Variants in TAOK1 observed in about 807,000 individuals in gnomAD.
TAOK1 encodes serine/threonine-protein kinase TAO1.
In TAOK1, 21 loss-of-function variants were observed where a neutral mutation model predicts 138.3. The observed-to-expected ratio is 0.15, with a 90% CI of 0.11 to 0.22. The LOEUF is 0.22. TAOK1 is among the 10% of genes least tolerant of loss of function. The pLI is 1.00. For missense variants in TAOK1, 651 were observed against 1,227.7 expected, an observed-to-expected ratio of 0.53 and a Z score of 7.02; for synonymous variants, 361 against 398.4, an observed-to-expected ratio of 0.91 and a Z score of 1.12.
chr17:29,397,723 GTATATACA>G lies in TAOK1; in HGVS notation c.-95+6708_-95+6715del, dbSNP rs1157821566. ...TATGCATACATGAATATACATGTAT[GTATATACA>G]TATATACACGTATATATACACGTAT... On this transcript the variant is annotated intron_variant, in intron 1 of 19. Transcript: ENST00000261716. 3.9e-5 allele frequency among the ~76,000 whole-genome samples: 3 copies of G among 77,636 alleles called. No individual in the cohort carries two copies. In the Admixed American group the frequency reaches 3.9e-4, roughly 10 times the overall value. The allele number at this position is 77,636 out of a possible 152,430, so 50.9% of individuals were successfully genotyped here. A position where few individuals can be genotyped will look rare whatever the true frequency, so the allele number is the denominator to read the frequency against.
intron 14 of TAOK1, among the ~76,000 whole-genome samples, chr17:29,509,916 C>T (rs1170200844): frequency 1.3e-5 from 2 of 151,374 alleles, no homozygotes; most frequent in Non-Finnish European, 2.9e-5. Flanking sequence ...CAGGCACTCG[C>T]CCTGTTACCC....
At chr17:29,420,432 A>G (rs1181288286) in intron 1 of TAOK1, among the ~76,000 whole-genome samples, 3 of 151,972 alleles carry the variant, frequency 2.0e-5, no homozygotes, top group Non-Finnish European at 2.9e-5. Context: ...TGTGTACACA[A>G]TTACGTTTAT....
intron 3 of TAOK1, among the ~76,000 whole-genome samples, chr17:29,474,496 T>TTATTGATGG (rs2030898511): frequency 6.6e-6 from 1 of 152,050 alleles, no homozygotes; most frequent in African/African-American, 2.4e-5. Flanking sequence ...CACTGTGGGG[T>TTATTGATGG]TATTGATGGC....
intron 3 of TAOK1, among the ~76,000 whole-genome samples, chr17:29,470,671 AC>A (rs1226907378): frequency 6.6e-6 from 1 of 152,204 alleles, no homozygotes. Flanking sequence ...AATTTGTCTT[AC>A]CTACCTTGAG....
chr17:29,418,852 T>C (rs1905338015), intron 1 of TAOK1, among the ~76,000 whole-genome samples: 1 of 152,012 alleles, frequency 6.6e-6, no homozygotes, highest in African/African-American at 2.4e-5. Flanking sequence ...GGGCTGACTA[T>C]AGTAAGTTTT....
Position 29,550,136 on chromosome 17 carries a change from T to G in TAOK1, c.*7114T>G, listed in dbSNP as rs1418738249. ...AAAAGAGAAGGATGTGTGGGGTTTC[T>G]ATTAGAAGATAATTTTGTTCTCATT... On this transcript the variant is annotated 3_prime_UTR_variant, in exon 20 of 20. Transcript: ENST00000261716. 1 of 152,220 alleles carries G rather than the reference T, an allele frequency of 6.6e-6. No individual in the cohort carries two copies. The highest frequency in any genetic ancestry group is 1.9e-4 in the East Asian group (1 of 5,204). The allele number at this position is 152,220 out of a possible 1,614,324, so 9.4% of individuals were successfully genotyped here.
Position 29,530,401 on chromosome 17 carries a change from TCCCA to T in TAOK1, c.2149-5_2149-2del. 6.2e-7 allele frequency: 1 copy of T among 1,612,656 alleles called. No homozygotes were observed. Among genetic ancestry groups the T allele is most frequent in the Admixed American group, 1.7e-5 (1 of 59,864 alleles). ...CTTACATAAATGTATTTTTTTTTCT[TCCCA>T]GTCTAAAGAACTCCAAATAAAAAAG... is the stretch of plus-strand genomic sequence containing the variant. On this transcript the variant is annotated splice_acceptor_variant and splice_polypyrimidine_tract_variant and intron_variant, in intron 17 of 19. Transcript: ENST00000261716. LOFTEE classifies it high-confidence loss of function.
At chr17:29,423,224 C>CT (rs200888309) in intron 1 of TAOK1, among the ~76,000 whole-genome samples, 51,832 of 112,642 alleles carry the variant, frequency 0.46, 11,891 homozygotes, top group East Asian at 0.89. Context: ...TTCTTCTTTT[C>CT]TTTTTTTTTT....
chr17:29,504,276 CA>C lies in TAOK1; in HGVS notation c.1338+1575del, dbSNP rs71138826. Reference sequence around the variant, plus strand: ...TGGGTGACAGTGCCAGACCCTGTCTCAAAAAAAAAAAAAAAAAAAAAAGGAA... The same window carrying C: ...TGGGTGACAGTGCCAGACCCTGTCTCAAAAAAAAAAAAAAAAAAAAAGGAA... On this transcript the variant is annotated intron_variant, in intron 13 of 19. Transcript: ENST00000261716. Among the ~76,000 whole-genome samples the C allele has an allele frequency of 5.8e-3, 236 of 40,844 alleles. No homozygotes were observed. In the East Asian group the frequency reaches 0.1, roughly 17 times the overall value. 26.8% of individuals were successfully genotyped at this position (40,844 alleles called of 152,430 possible). A position where few individuals can be genotyped will look rare whatever the true frequency, so the allele number is the denominator to read the frequency against.
At chr17:29,427,044 T>C (rs1199574788) in intron 1 of TAOK1, among the ~76,000 whole-genome samples, 1 of 152,188 alleles carries the variant, frequency 6.6e-6, no homozygotes, top group Non-Finnish European at 1.5e-5. Context: ...AGAATTGATA[T>C]ACTAGGGAAC....
At chr17:29,406,639 C>T (rs532351481) in intron 1 of TAOK1, among the ~76,000 whole-genome samples, 1 of 152,186 alleles carries the variant, frequency 6.6e-6, no homozygotes, top group South Asian at 2.1e-4. Flanking sequence ...CCAAGCAGTC[C>T]TCCCACCTCA....
intron 8 of TAOK1, among the ~76,000 whole-genome samples, chr17:29,486,781 A>G (rs1357145787): frequency 6.6e-6 from 1 of 152,242 alleles, no homozygotes; most frequent in Non-Finnish European, 1.5e-5. Flanking sequence ...TTAAAAAGAT[A>G]TGTTCTAGTT....
At chr17:29,503,594 G>T (rs935129637) in intron 13 of TAOK1, among the ~76,000 whole-genome samples, 2 of 152,050 alleles carry the variant, frequency 1.3e-5, no homozygotes. Context: ...TAATCAGACA[G>T]ATAAGTAAAA....
chr17:29,462,206 C>T (rs1054807739), intron 2 of TAOK1, among the ~76,000 whole-genome samples: 4 of 152,170 alleles, frequency 2.6e-5, no homozygotes, highest in African/African-American at 9.6e-5. Context: ...TTAAAAAATA[C>T]TCAAATTGAG....
intron 1 of TAOK1, among the ~76,000 whole-genome samples, chr17:29,398,972 T>C (rs1027786934): frequency 2.6e-5 from 4 of 151,724 alleles, no homozygotes; most frequent in African/African-American, 9.7e-5. Context: ...TGTTTATGAG[T>C]ACATTGAGAT....
intron 18 of TAOK1, among the ~76,000 whole-genome samples, chr17:29,531,890 TC>T (rs2032118770): frequency 6.7e-6 from 1 of 149,024 alleles, no homozygotes. Flanking sequence ...AGACGGAGTC[TC>T]GCTCTGTCAC....
At chr17:29,465,311 A>C (rs1567725661) in intron 2 of TAOK1, among the ~76,000 whole-genome samples, 1 of 147,494 alleles carries the variant, frequency 6.8e-6, no homozygotes, top group African/African-American at 2.5e-5. Context: ...GCGCCACCAC[A>C]CCTGGCTGTT....
intron 6 of TAOK1, among the ~76,000 whole-genome samples, chr17:29,478,876 T>A (rs988966801): frequency 6.6e-6 from 1 of 152,186 alleles, no homozygotes; most frequent in Admixed American, 6.5e-5. Context: ...ATCCCAGCAC[T>A]TTGAGAGGCC....
intron 1 of TAOK1, among the ~76,000 whole-genome samples, chr17:29,435,676 G>A (rs1473305818): frequency 6.6e-6 from 1 of 152,196 alleles, no homozygotes; most frequent in Non-Finnish European, 1.5e-5. Context: ...TGGGGCTTTT[G>A]TTGGTTCTGC....
Sources: allele counts gnomAD v4.1 joint callset (sites outside exome capture counted in the v4.1 genomes callset), GRCh38; gene constraint gnomAD v4.1.1; transcripts MANE v1.5; gene names NCBI Gene and HGNC (gene_info 2026-07-23, HGNC 2026-07-21).